The following RMDN2 variants were observed in gnomAD, a reference collection of about 807,000 sequenced individuals.
The protein encoded by RMDN2 is regulator of microtubule dynamics protein 2.
RMDN2 carries 61 observed loss-of-function variants against 52.8 expected under a neutral mutation model. The ratio of observed to expected loss-of-function variants is 1.16; its 90% CI spans 0.94 to 1.43. The LOEUF (loss-of-function observed/expected upper bound fraction) is 1.43, where lower values mean the gene tolerates loss of function less well. RMDN2 is among the 40% of genes most tolerant of loss of function. RMDN2 has a pLI of 0.00. For synonymous variants in RMDN2, 180 were observed against 153.1 expected, an observed-to-expected ratio of 1.18 and a Z score of -1.30; for missense variants, 592 against 475.3, an observed-to-expected ratio of 1.25 and a Z score of -2.28.
chr2:37,993,958 C>G lies in RMDN2; in HGVS notation c.945+2661C>G, dbSNP rs551687673. Among the ~76,000 whole-genome samples, 53 of 152,222 alleles carry G rather than the reference C, an allele frequency of 3.5e-4. No homozygotes were observed. The South Asian group carries it at 5.8e-3, about 17-fold the overall frequency. ...CATTACCTGTCTAGACTTAAAAGCT[C>G]AAGAAAGAAATTTTAATTCAAAATG... On this transcript the variant is annotated intron_variant, in intron 7 of 10. Coordinates refer to ENST00000354545, the MANE Select transcript of RMDN2 (RefSeq NM_001170791.3).
intron 2 of RMDN2, among the ~76,000 whole-genome samples, chr2:37,966,416 TAAAAAA>T (rs749707294): frequency 7.1e-6 from 1 of 139,982 alleles, no homozygotes; most frequent in Non-Finnish European, 1.6e-5. Context: ...GGCTCTGTCT[TAAAAAA>T]AAAAAAAAAG....
chr2:38,039,553 T>A (rs960302529), intron 10 of RMDN2, among the ~76,000 whole-genome samples: 10 of 152,232 alleles, frequency 6.6e-5, no homozygotes, highest in African/African-American at 2.4e-4. Flanking sequence ...GATTTTGTCA[T>A]TTTTTCTGCC....
At chr2:37,952,169 C>G (rs1436915815) in intron 2 of RMDN2, 5 of 1,612,834 alleles carry the variant, frequency 3.1e-6, no homozygotes, top group Non-Finnish European at 2.5e-6. Flanking sequence ...AAGATGAAGA[C>G]AGATCTTCAC....
intron 2 of RMDN2, among the ~76,000 whole-genome samples, chr2:37,947,416 G>A: frequency 6.6e-6 from 1 of 152,092 alleles, no homozygotes; most frequent in East Asian, 1.9e-4. Flanking sequence ...AATTTAATAT[G>A]TATAAAATAA....
intron 10 of RMDN2, among the ~76,000 whole-genome samples, chr2:38,025,648 G>A (rs1442635938): frequency 6.6e-6 from 1 of 151,746 alleles, no homozygotes; most frequent in Non-Finnish European, 1.5e-5. Flanking sequence ...GCTCTCTTTT[G>A]TTCTTATTTT....
chr2:37,978,777 C>CAGT (rs1672903497), intron 4 of RMDN2, among the ~76,000 whole-genome samples: 1 of 148,750 alleles, frequency 6.7e-6, no homozygotes, highest in East Asian at 2.0e-4. Context: ...GACCCTTTCT[C>CAGT]AGATAGATAG....
At chr2:37,951,586 G>T in intron 2 of RMDN2, 1 of 1,613,188 alleles carries the variant, frequency 6.2e-7, no homozygotes, top group Non-Finnish European at 8.5e-7. Context: ...ATTTCCCGCA[G>T]AAGACGTTTC....
At chr2:37,963,369 G>C (rs1353805352) in intron 2 of RMDN2, among the ~76,000 whole-genome samples, 2 of 149,170 alleles carry the variant, frequency 1.3e-5, no homozygotes, top group Admixed American at 1.3e-4. Flanking sequence ...TCGGAGAGGG[G>C]GATTTGGCAG....
At chr2:37,982,048 A>G (rs1036958127) in intron 5 of RMDN2, among the ~76,000 whole-genome samples, 1 of 152,126 alleles carries the variant, frequency 6.6e-6, no homozygotes, top group South Asian at 2.1e-4. Flanking sequence ...GGAAGATACA[A>G]TAATAAATGT....
intron 2 of RMDN2, among the ~76,000 whole-genome samples, chr2:37,936,776 G>A (rs1223335098): frequency 1.3e-5 from 2 of 152,092 alleles, no homozygotes; most frequent in Admixed American, 6.5e-5. Flanking sequence ...TAAGTTCCTT[G>A]TAGATACTTA....
At chr2:38,006,644 C>G (rs1677131061) in intron 10 of RMDN2, among the ~76,000 whole-genome samples, 2 of 152,188 alleles carry the variant, frequency 1.3e-5, no homozygotes, top group Admixed American at 1.3e-4. Flanking sequence ...ATCATGTCAT[C>G]TGCAAACAGG....
intron 2 of RMDN2, among the ~76,000 whole-genome samples, chr2:37,972,803 T>A (rs1281249800): frequency 6.6e-6 from 1 of 152,210 alleles, no homozygotes; most frequent in Non-Finnish European, 1.5e-5. Context: ...GACTGGGTAT[T>A]GCTTAAGAGA....
intron 10 of RMDN2, chr2:38,033,068 G>A (rs1191627302): frequency 6.6e-6 from 1 of 152,040 alleles, no homozygotes; most frequent in East Asian, 1.9e-4. Flanking sequence ...CACTTGCTAT[G>A]GCCAGTCTTA....
intron 2 of RMDN2, among the ~76,000 whole-genome samples, chr2:37,933,476 G>T (rs1667019833): frequency 1.3e-5 from 2 of 152,382 alleles, no homozygotes; most frequent in South Asian, 4.1e-4. Context: ...CCCCAGCCTG[G>T]GCACCATTGA....
At chr2:38,010,849 G>C (rs1017735448) in intron 10 of RMDN2, among the ~76,000 whole-genome samples, 2 of 152,172 alleles carry the variant, frequency 1.3e-5, no homozygotes, top group African/African-American at 4.8e-5. Context: ...AGCCATCTTG[G>C]CTCCACCCCA....
chr2:38,029,557 C>T (rs1204085070), intron 10 of RMDN2: 2 of 150,806 alleles, frequency 1.3e-5, no homozygotes, highest in African/African-American at 4.9e-5. Flanking sequence ...ATTTGTTAAA[C>T]CAAATTAAAC....
chr2:37,988,096 G>C (rs751581534), intron 5 of RMDN2, among the ~76,000 whole-genome samples: 22 of 152,156 alleles, frequency 1.4e-4, no homozygotes, highest in Non-Finnish European at 2.6e-4. Context: ...TAATGTAGGG[G>C]CTAGGATAGG....
chr2:38,025,371 C>T (rs546507014), intron 10 of RMDN2, among the ~76,000 whole-genome samples: 6 of 152,096 alleles, frequency 3.9e-5, no homozygotes, highest in African/African-American at 1.4e-4. Flanking sequence ...TTTCTGGTAG[C>T]GTTTTTGTAG....
chr2:38,042,950 C>T (rs536503250), intron 10 of RMDN2, among the ~76,000 whole-genome samples: 1 of 152,050 alleles, frequency 6.6e-6, no homozygotes, highest in Non-Finnish European at 1.5e-5. Context: ...TCCATGTGAC[C>T]TAGAGAATAA....
Sources: allele counts gnomAD v4.1 joint callset (sites outside exome capture counted in the v4.1 genomes callset), GRCh38; gene constraint gnomAD v4.1.1; transcripts MANE v1.5; gene names NCBI Gene and HGNC (gene_info 2026-07-23, HGNC 2026-07-21).